The following FBXW8 variants were observed in gnomAD, a reference collection of about 807,000 sequenced individuals.
FBXW8 encodes F-box and WD repeat domain containing 8.
FBXW8 carries 57 observed loss-of-function variants against 65.3 expected under a neutral mutation model. The observed-to-expected ratio is 0.87, with a 90% CI of 0.71 to 1.09. FBXW8 has a LOEUF of 1.09. Ranked by LOEUF, FBXW8 falls within the 50% of genes least tolerant of loss-of-function variation. The pLI, the probability that FBXW8 is intolerant of heterozygous loss-of-function variation, is 0.00. For synonymous variants in FBXW8, 308 were observed against 330.2 expected (o/e 0.93, Z 0.73); for missense variants, 777 against 814.8 (o/e 0.95, Z 0.57).
intron 4 of FBXW8, among the ~76,000 whole-genome samples, chr12:116,957,174 C>T (rs1030898738): frequency 6.6e-6 from 1 of 151,956 alleles, no homozygotes; most frequent in East Asian, 1.9e-4. Flanking sequence ...TGGCAAAACC[C>T]CTTCTCTACC....
At chr12:116,974,073 A>G (rs1884784170) in intron 5 of FBXW8, among the ~76,000 whole-genome samples, 1 of 152,192 alleles carries the variant, frequency 6.6e-6, no homozygotes, top group Non-Finnish European at 1.5e-5. Context: ...TGGAAACTCC[A>G]AACAAGGAGG....
At chr12:116,989,343 T>C (rs1297656931) in intron 7 of FBXW8, among the ~76,000 whole-genome samples, 2 of 152,242 alleles carry the variant, frequency 1.3e-5, no homozygotes, top group African/African-American at 4.8e-5. Flanking sequence ...TTTAGCTTGC[T>C]TTCACTGTGT....
chr12:117,009,542 C>T (rs759424082), intron 7 of FBXW8, among the ~76,000 whole-genome samples: 2 of 152,208 alleles, frequency 1.3e-5, no homozygotes, highest in African/African-American at 2.4e-5. Flanking sequence ...GAGGCAAGGA[C>T]TCTGTCCTCA....
chr12:116,989,184 A>ACATAGTGT (rs1953176556), intron 7 of FBXW8, among the ~76,000 whole-genome samples: 1 of 152,196 alleles, frequency 6.6e-6, no homozygotes, highest in Admixed American at 6.5e-5. Flanking sequence ...ATCATAGTAT[A>ACATAGTGT]CATAGTGTTC....
intron 5 of FBXW8, among the ~76,000 whole-genome samples, chr12:116,981,447 A>G (rs1194476717): frequency 1.3e-5 from 2 of 152,230 alleles, no homozygotes; most frequent in African/African-American, 4.8e-5. Flanking sequence ...TATTATTTAA[A>G]TATCTTTAAA....
chr12:117,006,930 A>C (rs1196300540), intron 7 of FBXW8, among the ~76,000 whole-genome samples: 1 of 152,252 alleles, frequency 6.6e-6, no homozygotes, highest in South Asian at 2.1e-4. Flanking sequence ...AACAAGATCT[A>C]TCTATAGGTA....
At chr12:116,922,901 A>T (rs903382709) in intron 1 of FBXW8, among the ~76,000 whole-genome samples, 1 of 151,960 alleles carries the variant, frequency 6.6e-6, no homozygotes, top group Non-Finnish European at 1.5e-5. Flanking sequence ...TTTAGTGTGC[A>T]TGAGGATCGC....
intron 1 of FBXW8, among the ~76,000 whole-genome samples, chr12:116,918,318 C>T (rs1424683202): frequency 6.6e-6 from 1 of 152,108 alleles, no homozygotes; most frequent in Non-Finnish European, 1.5e-5. Context: ...TACCAACTTG[C>T]TTGGGCTCCA....
intron 7 of FBXW8, among the ~76,000 whole-genome samples, chr12:116,999,723 C>T (rs1478075254): frequency 3.3e-5 from 5 of 152,098 alleles, no homozygotes; most frequent in African/African-American, 1.2e-4. Context: ...GGAGTCAGGC[C>T]CCATCTTAGC....
chr12:116,943,126 A>C (rs1882717502), intron 2 of FBXW8, among the ~76,000 whole-genome samples: 1 of 151,982 alleles, frequency 6.6e-6, no homozygotes, highest in African/African-American at 2.4e-5. Context: ...TTCTTTAGAC[A>C]TGCTTTCTTT....
chr12:116,996,785 T>C (rs1179829393), intron 7 of FBXW8, among the ~76,000 whole-genome samples: 4 of 152,178 alleles, frequency 2.6e-5, no homozygotes, highest in African/African-American at 4.8e-5. Flanking sequence ...AGGGTTGCCG[T>C]CATTGTTAAT....
chr12:116,964,797 C>T lies in FBXW8; in HGVS notation c.778C>T (p.Pro260Ser), dbSNP rs1884212104. The T allele has an allele frequency of 6.2e-7, 1 of 1,613,130 alleles. No individual in the cohort carries two copies. Among genetic ancestry groups the T allele is most frequent in the Non-Finnish European group, 8.5e-7 (1 of 1,179,980 alleles). Residue 260 changes from proline (P) to serine (S), a missense_variant, in exon 5 of 11, where the codon CCA becomes TCA. By Grantham distance (74) the Pro-to-Ser change is moderately conservative. Transcript: ENST00000652555. The part of the protein sequence containing the change: ...EDEEDEPGMQ[P>S]NVSFVRINSS... ...CGAGGAGGATGAGCCTGGAATGCAG[C>T]CAAATGTCTCCTTTGTGAGGATAAA... is the stretch of plus-strand genomic sequence containing the variant.
intron 9 of FBXW8, among the ~76,000 whole-genome samples, chr12:117,025,692 T>TTTCTG (rs1388539765): frequency 2.0e-5 from 3 of 152,146 alleles, no homozygotes; most frequent in Non-Finnish European, 4.4e-5. Flanking sequence ...CTCGGCCCTT[T>TTTCTG]TTCTGAATGG....
chr12:117,006,001 A>G (rs567270012), intron 7 of FBXW8, among the ~76,000 whole-genome samples: 3 of 152,320 alleles, frequency 2.0e-5, no homozygotes, highest in African/African-American at 7.2e-5. Context: ...ATGGCGGCCA[A>G]CAAATCATCT....
chr12:117,021,403 T>G (rs1301400937), intron 8 of FBXW8, among the ~76,000 whole-genome samples: 1 of 152,184 alleles, frequency 6.6e-6, no homozygotes, highest in East Asian at 1.9e-4. Flanking sequence ...GGACTGACTT[T>G]CTGATTGTTC....
chr12:116,967,743 G>A (rs1884413443), intron 5 of FBXW8, among the ~76,000 whole-genome samples: 1 of 152,058 alleles, frequency 6.6e-6, no homozygotes, highest in African/African-American at 2.4e-5. Flanking sequence ...ATGTGTTTCC[G>A]ATATTTTTTC....
At chr12:116,973,176 G>A (rs566004409) in intron 5 of FBXW8, among the ~76,000 whole-genome samples, 4 of 152,164 alleles carry the variant, frequency 2.6e-5, no homozygotes, top group African/African-American at 9.6e-5. Context: ...AAAATAAACA[G>A]ATCAATAAAT....
chr12:116,950,003 CA>C (rs1883175891), intron 4 of FBXW8: 1 of 330,152 alleles, frequency 3.0e-6, no homozygotes, highest in Middle Eastern at 8.8e-4. Flanking sequence ...TTAAGGCAAA[CA>C]GTTTGTATTT....
At chr12:116,999,583 G>A (rs117954942) in intron 7 of FBXW8, among the ~76,000 whole-genome samples, 2,269 of 151,972 alleles carry the variant, frequency 0.015, 52 homozygotes, top group African/African-American at 0.046. Context: ...TTATACTCTT[G>A]TGGCACCTGT....
Sources: allele counts gnomAD v4.1 joint callset (sites outside exome capture counted in the v4.1 genomes callset), GRCh38; gene constraint gnomAD v4.1.1; transcripts MANE v1.5; gene names NCBI Gene and HGNC (gene_info 2026-07-23, HGNC 2026-07-21).